Variants in CPPED1 observed in about 807,000 individuals in gnomAD.
CPPED1 encodes serine/threonine-protein phosphatase CPPED1.
Under a neutral mutation model 28.0 loss-of-function variants are expected in CPPED1, and 28 were observed. The observed-to-expected ratio is 1.00, with a 90% CI of 0.74 to 1.37. The LOEUF (loss-of-function observed/expected upper bound fraction) is 1.37. Among genes scored for constraint, CPPED1 ranks in the 40% most tolerant of loss-of-function variants. The probability of loss-of-function intolerance (pLI) is 0.00; values close to 1 mark genes in which losing one functional copy is unlikely to be tolerated. For missense variants in CPPED1, 504 were observed against 416.5 expected (o/e 1.21, Z -1.83); for synonymous variants, 198 against 180.2 (o/e 1.10, Z -0.79).
intron 2 of CPPED1, among the ~76,000 whole-genome samples, chr16:12,710,676 G>C (rs2080075309): frequency 6.6e-6 from 1 of 152,044 alleles, no homozygotes; most frequent in South Asian, 2.1e-4. Context: ...AGTTGGCAAA[G>C]GATTGAACAG....
intron 3 of CPPED1, among the ~76,000 whole-genome samples, chr16:12,666,173 T>C (rs1472516135): frequency 6.6e-6 from 1 of 151,938 alleles, no homozygotes; most frequent in African/African-American, 2.4e-5. Flanking sequence ...GCAGAGCATG[T>C]CTGACATATG....
At chr16:12,700,070 T>C (rs1457390999) in intron 3 of CPPED1, among the ~76,000 whole-genome samples, 1 of 152,204 alleles carries the variant, frequency 6.6e-6, no homozygotes, top group Non-Finnish European at 1.5e-5. Context: ...TATTTCCTTC[T>C]GATGTTGCCT....
intron 2 of CPPED1, among the ~76,000 whole-genome samples, chr16:12,706,257 C>T (rs372093874): frequency 2.0e-4 from 30 of 151,702 alleles, no homozygotes; most frequent in African/African-American, 7.2e-4. Flanking sequence ...TAAAATGTCC[C>T]CCAAGATTCA....
chr16:12,754,385 C>A (rs558839919), intron 2 of CPPED1, among the ~76,000 whole-genome samples: 1 of 152,026 alleles, frequency 6.6e-6, no homozygotes, highest in South Asian at 2.1e-4. Flanking sequence ...CACACAGGGG[C>A]GCCTGTCTTT....
At chr16:12,756,694 ACT>A (rs966389411) in intron 2 of CPPED1, among the ~76,000 whole-genome samples, 2 of 152,182 alleles carry the variant, frequency 1.3e-5, no homozygotes, top group African/African-American at 4.8e-5. Context: ...ACAGAGCAAG[ACT>A]CTGTCTAAAA....
rs192445243 is a variant in CPPED1, at chr16:12,717,678, T to C, written c.290-12629A>G. On this transcript the variant is annotated intron_variant, in intron 2 of 3. Transcript: ENST00000381774. ...ATTTTTGAGACAGAGTCTCGCTCTG[T>C]TGCACAGGCGGGAGTACAGAGGCAC... Among the ~76,000 whole-genome samples the C allele has an allele frequency of 4.2e-3, 645 of 152,236 alleles. 5 individuals carry two copies. Among genetic ancestry groups the C allele is most frequent in the Middle Eastern group, 0.02 (6 of 294 alleles).
At chr16:12,747,725 G>C (rs1030218103) in intron 2 of CPPED1, among the ~76,000 whole-genome samples, 5 of 152,076 alleles carry the variant, frequency 3.3e-5, no homozygotes, top group African/African-American at 1.2e-4. Flanking sequence ...GCCTTAACGA[G>C]GAAACTTTGG....
intron 2 of CPPED1, among the ~76,000 whole-genome samples, chr16:12,743,258 G>A (rs943588344): frequency 6.6e-6 from 1 of 152,062 alleles, no homozygotes; most frequent in African/African-American, 2.4e-5. Flanking sequence ...TTCAAAAAAT[G>A]GAAATGGGGC....
At chr16:12,791,109 T>G (rs1332663838) in intron 1 of CPPED1, among the ~76,000 whole-genome samples, 2 of 151,636 alleles carry the variant, frequency 1.3e-5, no homozygotes, top group Non-Finnish European at 2.9e-5. Context: ...GCAGGTTTGT[T>G]ACATAGGTAT....
At chr16:12,749,578 C>T (rs112662678) in intron 2 of CPPED1, among the ~76,000 whole-genome samples, 4,664 of 152,114 alleles carry the variant, frequency 0.031, 245 homozygotes, top group African/African-American at 0.11. Flanking sequence ...CCTCCTCCCA[C>T]GAATCACAAA....
At chr16:12,789,452 A>G (rs749576612) in intron 1 of CPPED1, among the ~76,000 whole-genome samples, 2 of 152,216 alleles carry the variant, frequency 1.3e-5, no homozygotes, top group African/African-American at 4.8e-5. Context: ...ATTACTATAG[A>G]GAAGACATAT....
chr16:12,741,992 G>C (rs537258502), intron 2 of CPPED1, among the ~76,000 whole-genome samples: 2 of 152,066 alleles, frequency 1.3e-5, no homozygotes, highest in Admixed American at 6.6e-5. Flanking sequence ...CTTGAACCTG[G>C]GAGGGGGAGG....
At chr16:12,718,873 G>C (rs1460015489) in intron 2 of CPPED1, among the ~76,000 whole-genome samples, 1 of 152,168 alleles carries the variant, frequency 6.6e-6, no homozygotes, top group South Asian at 2.1e-4. Flanking sequence ...TGAGGCAGGA[G>C]AATCATTTGA....
chr16:12,697,448 A>G (rs2079997802), intron 3 of CPPED1, among the ~76,000 whole-genome samples: 1 of 152,164 alleles, frequency 6.6e-6, no homozygotes, highest in Non-Finnish European at 1.5e-5. Context: ...GAAGACCTTC[A>G]GGAGGCTTGT....
At position 12,803,845 on chromosome 16, in the gene CPPED1, A is replaced by C; in HGVS notation, c.-69T>G. ...GAAGCCGCGCGACTTCACACAGAAC[A>C]ACCGCTGGACCTGTCCCGCTTTGGG... On this transcript the variant is annotated 5_prime_UTR_variant, in exon 1 of 4. Transcript: ENST00000381774. 7 of 1,456,254 alleles carry C rather than the reference A, an allele frequency of 4.8e-6. No homozygotes were observed. Among genetic ancestry groups the C allele is most frequent in the Non-Finnish European group, 4.7e-6 (5 of 1,073,364 alleles). 90.2% of individuals were successfully genotyped at this position (1,456,254 alleles called of 1,614,324 possible). A position where few individuals can be genotyped will look rare whatever the true frequency, so the allele number is the denominator to read the frequency against.
At chr16:12,726,104 C>T (rs1294037910) in intron 2 of CPPED1, among the ~76,000 whole-genome samples, 1 of 151,616 alleles carries the variant, frequency 6.6e-6, no homozygotes, top group African/African-American at 2.4e-5. Flanking sequence ...TGCAATGGCA[C>T]AATCTTGGCT....
At chr16:12,752,099 C>G (rs901198421) in intron 2 of CPPED1, among the ~76,000 whole-genome samples, 1 of 152,132 alleles carries the variant, frequency 6.6e-6, no homozygotes, top group Non-Finnish European at 1.5e-5. Flanking sequence ...AAGATTAAAG[C>G]TTCCTCGTAA....
intron 2 of CPPED1, among the ~76,000 whole-genome samples, chr16:12,754,069 A>C (rs2080348811): frequency 6.6e-6 from 1 of 151,976 alleles, no homozygotes; most frequent in Non-Finnish European, 1.5e-5. Context: ...AGAGTTTTTC[A>C]TTTCTTTGTA....
intron 1 of CPPED1, among the ~76,000 whole-genome samples, chr16:12,800,431 CAAAAAAAAAAA>C (rs11303196): frequency 2.2e-5 from 2 of 90,282 alleles, no homozygotes; most frequent in Non-Finnish European, 5.1e-5. Context: ...GACTCTGTCT[CAAAAAAAAAAA>C]AAAAAAAGTA....
Sources: allele counts gnomAD v4.1 joint callset (sites outside exome capture counted in the v4.1 genomes callset), GRCh38; gene constraint gnomAD v4.1.1; transcripts MANE v1.5; gene names NCBI Gene and HGNC (gene_info 2026-07-23, HGNC 2026-07-21).